The following CFAP58 variants were observed in gnomAD, a reference collection of about 807,000 sequenced individuals.
CFAP58 encodes the protein cilia and flagella associated protein 58.
Under a neutral mutation model 119.5 loss-of-function variants are expected in CFAP58, and 88 were observed. That is an observed-to-expected ratio of 0.74 (90% CI 0.62 to 0.88). The LOEUF (loss-of-function observed/expected upper bound fraction) is 0.88. Among genes scored for constraint, CFAP58 ranks in the 40% least tolerant of loss-of-function variants. The pLI is 0.00. For missense variants in CFAP58, 990 were observed against 1,021.2 expected, an observed-to-expected ratio of 0.97 and a Z score of 0.42; for synonymous variants, 365 against 366.3, an observed-to-expected ratio of 1.00 and a Z score of 0.04.
At chr10:104,354,237 C>T (rs940945266) in intron 1 of CFAP58, among the ~76,000 whole-genome samples, 5 of 152,150 alleles carry the variant, frequency 3.3e-5, no homozygotes, top group Admixed American at 6.5e-5. Context: ...GAGAGGCTCA[C>T]ACAGAAATAT....
intron 7 of CFAP58, among the ~76,000 whole-genome samples, 192 bp from the exon 8 acceptor site, chr10:104,376,619 C>T (rs893982639): frequency 6.6e-6 from 1 of 151,994 alleles, no homozygotes; most frequent in African/African-American, 2.4e-5. Context: ...CTGCAAGCCT[C>T]AGTTTCCATC....
intron 9 of CFAP58, 133 bp downstream of exon 9, chr10:104,380,353 C>T (rs1479508157): frequency 1.7e-5 from 14 of 842,978 alleles, no homozygotes; most frequent in East Asian, 5.2e-5. Context: ...TTGGGAGGAA[C>T]GATGTGGACA....
intron 8 of CFAP58, among the ~76,000 whole-genome samples, chr10:104,378,784 T>TAA (rs1310098334): frequency 6.6e-6 from 1 of 152,178 alleles, no homozygotes; most frequent in African/African-American, 2.4e-5. Context: ...CAGTTGCAGT[T>TAA]AAAGAGGTGA....
At chr10:104,375,192 T>A (rs1263858329) in intron 7 of CFAP58, among the ~76,000 whole-genome samples, 1 of 150,792 alleles carries the variant, frequency 6.6e-6, no homozygotes, top group African/African-American at 2.4e-5. Flanking sequence ...ATATACTTAG[T>A]GTACTATGAT....
intron 15 of CFAP58, among the ~76,000 whole-genome samples, chr10:104,415,578 C>T (rs1228459710): frequency 2.0e-5 from 3 of 152,050 alleles, no homozygotes; most frequent in Non-Finnish European, 4.4e-5. Flanking sequence ...AACTGTGGGC[C>T]CTCGCAGTGT....
rs567317942 is a variant in CFAP58 at position 104,414,807 on chromosome 10, C to T, written c.2256+8014C>T. Among the ~76,000 whole-genome samples, 3 of 152,252 alleles carry T rather than the reference C, an allele frequency of 2.0e-5. No individual in the cohort carries two copies. In the South Asian group the frequency reaches 6.2e-4, roughly 32 times the overall value. On this transcript the variant is annotated intron_variant, in intron 15 of 17. Coordinates refer to ENST00000369704, the MANE Select transcript of CFAP58 (RefSeq NM_001008723.2). ...GCCTCAGCCTCCCGAGTAGCTGGGA[C>T]TACAGGCGCCTGCCACCGCGCCCGG... is the stretch of plus-strand genomic sequence containing the variant.
At position 104,371,536 on chromosome 10, in the gene CFAP58, G is replaced by A. The variant is rs150273760; in HGVS notation, c.1090+482G>A. The stretch of plus-strand genomic sequence containing the variant: ...CCATGTGATGAACCGCTGTCTTACC[G>A]TTATAACCGACCTGTGAAGGGAAAA... On this transcript the variant is annotated intron_variant, in intron 7 of 17. Coordinates refer to ENST00000369704, the MANE Select transcript of CFAP58 (RefSeq NM_001008723.2). 3.6e-3 allele frequency among the ~76,000 whole-genome samples: 544 copies of A among 152,210 alleles called. 7 individuals are homozygous for A. Among genetic ancestry groups the A allele is most frequent in the African/African-American group, 0.011 (473 of 41,558 alleles).
At chr10:104,404,010 G>T (rs1236644651) in intron 14 of CFAP58, among the ~76,000 whole-genome samples, 170 bp downstream of exon 14, 2 of 152,184 alleles carry the variant, frequency 1.3e-5, no homozygotes, top group Non-Finnish European at 2.9e-5. Context: ...AGAACCAGAT[G>T]GTTCATTTGG....
intron 11 of CFAP58, among the ~76,000 whole-genome samples, chr10:104,396,954 A>C (rs763861416): frequency 2.6e-5 from 4 of 152,222 alleles, no homozygotes; most frequent in Non-Finnish European, 5.9e-5. Flanking sequence ...TGACATAAGG[A>C]GACCACTCAG....
intron 15 of CFAP58, among the ~76,000 whole-genome samples, chr10:104,413,407 CT>C (rs2012491509): frequency 6.6e-6 from 1 of 152,166 alleles, no homozygotes; most frequent in Non-Finnish European, 1.5e-5. Flanking sequence ...AACTTTATAG[CT>C]TCAGTGGTAA....
At chr10:104,408,651 A>G (rs1338655788) in intron 15 of CFAP58, among the ~76,000 whole-genome samples, 1 of 152,180 alleles carries the variant, frequency 6.6e-6, no homozygotes, top group Non-Finnish European at 1.5e-5. Context: ...AGTTTGTTTT[A>G]TATTTCATGG....
chr10:104,380,313 C>T (rs1245388331), intron 9 of CFAP58, 93 bp downstream of exon 9: 4 of 1,178,286 alleles, frequency 3.4e-6, no homozygotes, highest in Non-Finnish European at 4.8e-6. Context: ...AGAATTTATT[C>T]AGATTTCTGT....
chr10:104,447,622 T>C (rs2013130241), intron 15 of CFAP58, 76 bp from the exon 16 acceptor site: 2 of 1,569,932 alleles, frequency 1.3e-6, no homozygotes, highest in South Asian at 2.4e-5. Context: ...CAAATTGTGC[T>C]GGCCATGCAG....
At chr10:104,362,211 T>C (rs1222805830) in intron 3 of CFAP58, 40 bp downstream of exon 3, 6 of 1,557,792 alleles carry the variant, frequency 3.9e-6, no homozygotes, top group Non-Finnish European at 5.2e-6. Context: ...AACTTGCTTT[T>C]GCAGAGGTCT....
At position 104,368,442 on chromosome 10, in the gene CFAP58, CA is replaced by C; in HGVS notation, c.815del (p.Lys272ArgfsTer8). On this transcript the variant is annotated frameshift_variant, in exon 6 of 18. Transcript: ENST00000369704. LOFTEE classifies it high-confidence loss of function. Reference sequence around the variant, plus strand: ...TTTCAGATATTGAATGAGAGAGCTGCAAAGGAACTCGAGCAATTTCAGATGA... The same window carrying C: ...TTTCAGATATTGAATGAGAGAGCTGCAAGGAACTCGAGCAATTTCAGATGA... Reference protein sequence around the residue: ...KEQKILNERAAKELEQFQMRN... With the variant: ...KEQKILNERAXKELEQFQMRN... The C allele has an allele frequency of 6.2e-7, 1 of 1,613,840 alleles. No homozygotes were observed. Among genetic ancestry groups the C allele is most frequent in the Non-Finnish European group, 8.5e-7 (1 of 1,179,840 alleles).
At chr10:104,379,469 G>A (rs932078043) in intron 8 of CFAP58, among the ~76,000 whole-genome samples, 3 of 152,192 alleles carry the variant, frequency 2.0e-5, no homozygotes, top group Non-Finnish European at 2.9e-5. Flanking sequence ...ATTTTACAAT[G>A]AATACTCATG....
chr10:104,444,585 C>A (rs749821298), intron 15 of CFAP58, among the ~76,000 whole-genome samples: 30 of 152,360 alleles, frequency 2.0e-4, no homozygotes, highest in Non-Finnish European at 2.4e-4. Flanking sequence ...TTCAATCCAT[C>A]AAACATTTCA....
Position 104,357,851 on chromosome 10 carries a change from A to G in CFAP58, c.10-490A>G, listed in dbSNP as rs1157792686. ...CACATATATGTACACATATGTACAC[A>G]TATATACACATATATACACATATAT... On this transcript the variant is annotated intron_variant, in intron 1 of 17. Coordinates refer to ENST00000369704, the MANE Select transcript of CFAP58 (RefSeq NM_001008723.2). Among the ~76,000 whole-genome samples, 14 of 43,704 alleles carry G rather than the reference A, an allele frequency of 3.2e-4. 1 individual carries two copies. Among genetic ancestry groups the G allele is most frequent in the African/African-American group, 1.1e-3 (12 of 11,168 alleles). 28.7% of individuals were successfully genotyped at this position (43,704 alleles called of 152,430 possible).
Position 104,371,061 on chromosome 10 carries a change from C to A in CFAP58, c.1090+7C>A, listed in dbSNP as rs755123922. On this transcript the variant is annotated splice_region_variant and intron_variant, in intron 7 of 17. Transcript: ENST00000369704. The stretch of plus-strand genomic sequence containing the variant: ...ATTGTGGGATTAGAGAGAGGTAAAC[C>A]ATTTTGCGCTTTTATTCATTTAGAA... 1.3e-6 allele frequency: 2 copies of A among 1,594,572 alleles called. No homozygotes were observed. The highest frequency in any genetic ancestry group is 1.1e-5 in the South Asian group (1 of 87,362).
Sources: allele counts gnomAD v4.1 joint callset (sites outside exome capture counted in the v4.1 genomes callset), GRCh38; gene constraint gnomAD v4.1.1; transcripts MANE v1.5; gene names NCBI Gene and HGNC (gene_info 2026-07-23, HGNC 2026-07-21).